The following PXK variants were observed in gnomAD, a reference collection of about 807,000 sequenced individuals.
PXK encodes PX domain-containing protein kinase-like protein.
A neutral mutation model predicts 84.7 loss-of-function variants in PXK; 35 were observed. That is an observed-to-expected ratio of 0.41 (90% CI 0.32 to 0.55). The LOEUF is 0.55. PXK is among the 20% of genes least tolerant of loss of function. PXK has a pLI of 0.21. For synonymous variants in PXK, 253 were observed against 260.8 expected (o/e 0.97, Z 0.29); for missense variants, 634 against 699.7 (o/e 0.91, Z 1.06).
chr3:58,356,951 C>G (rs1274087160), intron 1 of PXK, among the ~76,000 whole-genome samples: 1 of 150,568 alleles, frequency 6.6e-6, no homozygotes, highest in East Asian at 2.0e-4. Flanking sequence ...GAAAACAGTT[C>G]CCTTTTGATT....
intron 1 of PXK, among the ~76,000 whole-genome samples, chr3:58,357,332 A>G (rs2098107694): frequency 2.0e-5 from 3 of 151,892 alleles, no homozygotes; most frequent in Admixed American, 2.0e-4. Flanking sequence ...CTGGGCCTAC[A>G]CAGTATCAAG....
chr3:58,391,522 G>A (rs1362549108), intron 6 of PXK, among the ~76,000 whole-genome samples: 1 of 151,850 alleles, frequency 6.6e-6, no homozygotes, highest in Non-Finnish European at 1.5e-5. Context: ...AAAATACTTG[G>A]GCATTACTTT....
chr3:58,421,327 A>C lies in PXK; in HGVS notation c.1529-3425A>C. On this transcript the variant is annotated intron_variant, in intron 17 of 17. Coordinates refer to ENST00000356151, the MANE Select transcript of PXK (RefSeq NM_017771.5). This position sits in a 1 kb window ranked among gnomAD's most constrained non-coding sequence, Gnocchi z 5.5. ...CCAGGCGCAGTGGCTCACATCTATAATCTCAGCACTTTGGGAGGCTGAGGC... is the reference window on the plus strand; with the variant it reads ...CCAGGCGCAGTGGCTCACATCTATACTCTCAGCACTTTGGGAGGCTGAGGC... 1.0e-6 allele frequency: 1 copy of C among 983,968 alleles called. No individual in the cohort carries two copies. The highest frequency in any genetic ancestry group is 1.2e-6 in the Non-Finnish European group (1 of 828,708). The allele number at this position is 983,968 out of a possible 1,614,324, so 61.0% of individuals were successfully genotyped here.
Position 58,411,923 on chromosome 3 carries a change from A to G in PXK, c.1466-978A>G, listed in dbSNP as rs1441488338. ...AGTAGAAAAGCATTAAACTGGAGGG[A>G]GGTGTGGTTTAATCAGGACATTTCT... On this transcript the variant is annotated intron_variant, in intron 16 of 17. Transcript: ENST00000356151. This position sits in a 1 kb window ranked among gnomAD's most constrained non-coding sequence, Gnocchi z 4.2. Among the ~76,000 whole-genome samples, 2 of 152,168 alleles carry G rather than the reference A, an allele frequency of 1.3e-5. No homozygotes were observed. Among genetic ancestry groups the G allele is most frequent in the Admixed American group, 1.3e-4 (2 of 15,282 alleles).
At chr3:58,389,694 C>T (rs987297152) in intron 4 of PXK, among the ~76,000 whole-genome samples, 20 of 151,052 alleles carry the variant, frequency 1.3e-4, no homozygotes, top group African/African-American at 2.2e-4. Context: ...AAAAACCACA[C>T]GCACCAGAAA....
At chr3:58,334,929 GT>G (rs879733646) in intron 1 of PXK, among the ~76,000 whole-genome samples, 2,592 of 121,096 alleles carry the variant, frequency 0.021, 24 homozygotes, top group African/African-American at 0.025. Context: ...TATTGTAAGG[GT>G]GTGTGTGTGT....
rs902609441 is a variant in PXK, at chr3:58,346,665, C to CT, written c.102+13586dup. Among the ~76,000 whole-genome samples, 847 of 146,238 alleles carry CT rather than the reference C, an allele frequency of 5.8e-3. 8 individuals carry two copies. Among genetic ancestry groups the CT allele is most frequent in the African/African-American group, 0.019 (753 of 40,128 alleles). The stretch of plus-strand genomic sequence containing the variant: ...TATAATTATTTTTCTTTTTTCTTTT[C>CT]TTTTTTTTTTTGAAACAGAGTCTCA... On this transcript the variant is annotated intron_variant, in intron 1 of 17. Transcript: ENST00000356151.
At chr3:58,415,469 T>C (rs2060814595) in intron 17 of PXK, among the ~76,000 whole-genome samples, 1 of 152,158 alleles carries the variant, frequency 6.6e-6, no homozygotes. Context: ...AAAAGATGCA[T>C]AGGGCAAGGT....
At chr3:58,359,160 A>G (rs1018587475) in intron 1 of PXK, among the ~76,000 whole-genome samples, 5 of 152,226 alleles carry the variant, frequency 3.3e-5, no homozygotes, top group African/African-American at 1.2e-4. Flanking sequence ...ATATGTGTTT[A>G]TATAAAGGAG....
intron 3 of PXK, among the ~76,000 whole-genome samples, chr3:58,376,166 G>A (rs2098440325): frequency 6.6e-6 from 1 of 152,042 alleles, no homozygotes; most frequent in Non-Finnish European, 1.5e-5. Context: ...TGTAATTCCA[G>A]CACTTTGGGA....
chr3:58,425,263 G>T lies in PXK; in HGVS notation c.*303G>T. On this transcript the variant is annotated 3_prime_UTR_variant, in exon 18 of 18. Transcript: ENST00000356151. ...ATTGAAATATTTTCACCAACTAAAGGAAATAGACAGAAAAACAATGACAAT... is the reference window on the plus strand; with the variant it reads ...ATTGAAATATTTTCACCAACTAAAGTAAATAGACAGAAAAACAATGACAAT... 3.2e-6 allele frequency: 1 copy of T among 312,666 alleles called. No homozygotes were observed. Among genetic ancestry groups the T allele is most frequent in the Non-Finnish European group, 6.1e-6 (1 of 164,368 alleles). The allele number at this position is 312,666 out of a possible 1,614,324, so 19.4% of individuals were successfully genotyped here.
At chr3:58,422,825 C>T (rs2062125713) in intron 17 of PXK, 1 of 985,304 alleles carries the variant, frequency 1.0e-6, no homozygotes, top group Non-Finnish European at 1.2e-6. Context: ...AGTGCTGAGC[C>T]TTTAGTAGAA....
intron 1 of PXK, among the ~76,000 whole-genome samples, chr3:58,334,343 G>A (rs1442343245): frequency 2.6e-5 from 4 of 152,148 alleles, no homozygotes. Flanking sequence ...CTATTCTGTA[G>A]ACATGTGAGA....
chr3:58,408,724 G>A (rs866736348), intron 13 of PXK, among the ~76,000 whole-genome samples, 200 bp from the exon 14 acceptor site: 7 of 152,048 alleles, frequency 4.6e-5, no homozygotes, highest in Admixed American at 1.3e-4. Flanking sequence ...GGATTTCACC[G>A]TGTTAGCCAG....
At position 58,392,664 on chromosome 3, in the gene PXK, C is replaced by CT. The variant is rs35624263; in HGVS notation, c.615+831dup. On this transcript the variant is annotated intron_variant, in intron 7 of 17. Coordinates refer to ENST00000356151, the MANE Select transcript of PXK (RefSeq NM_017771.5). ...GCTGTCAGGACCTAGTTCTAAATTT[C>CT]TTTTTTTTTTTTTTCAAGGTGGAGT... 4.2e-4 allele frequency among the ~76,000 whole-genome samples: 61 copies of CT among 144,016 alleles called. 1 individual carries two copies. The highest frequency in any genetic ancestry group is 5.6e-4 in the African/African-American group (22 of 39,142). 94.5% of individuals were successfully genotyped at this position (144,016 alleles called of 152,430 possible). A position where few individuals can be genotyped will look rare whatever the true frequency, so the allele number is the denominator to read the frequency against.
At position 58,400,269 on chromosome 3, in the gene PXK, T is replaced by C. The variant is rs2058353625; in HGVS notation, c.1181+892T>C. Among the ~76,000 whole-genome samples the C allele has an allele frequency of 6.6e-6, 1 of 152,226 alleles. No homozygotes were observed. The highest frequency in any genetic ancestry group is 1.5e-5 in the Non-Finnish European group (1 of 68,032). On this transcript the variant is annotated intron_variant, in intron 12 of 17. Transcript: ENST00000356151. This position sits in a 1 kb window ranked among gnomAD's most constrained non-coding sequence, Gnocchi z 4.0. ...CTCATTAAGTGTTAGTTATGCTTAC[T>C]ACTGAATCAGCTGATCTTTTTTGAA...
intron 1 of PXK, among the ~76,000 whole-genome samples, chr3:58,362,993 G>A (rs150199897): frequency 9.9e-5 from 15 of 152,240 alleles, no homozygotes; most frequent in Middle Eastern, 3.4e-3. Flanking sequence ...TCAGATTATA[G>A]TCATGAGCCG....
chr3:58,404,807 A>AT (rs2059146458), intron 13 of PXK, among the ~76,000 whole-genome samples: 1 of 152,244 alleles, frequency 6.6e-6, no homozygotes, highest in Non-Finnish European at 1.5e-5. Context: ...AACAAAAAAA[A>AT]GAAAGAAAAC....
In PXK at chr3:58,391,775, T is replaced by C; in HGVS notation, c.543T>C (p.Ala181=). 6.2e-7 allele frequency: 1 copy of C among 1,613,048 alleles called. No individual in the cohort carries two copies. Among genetic ancestry groups the C allele is most frequent in the South Asian group, 1.1e-5 (1 of 91,046 alleles). The change falls in exon 7 of 18, where the codon GCT becomes GCC. Residue 181 remains alanine, a splice_region_variant and synonymous_variant. Transcript: ENST00000356151. Reference sequence around the variant, plus strand: ...GATATTCCCTTCCATGTTTTCAGGCTGACCTTGGCCCAGACAAGTATTTGT... The same window carrying C: ...GATATTCCCTTCCATGTTTTCAGGCCGACCTTGGCCCAGACAAGTATTTGT... ...QPKERLVLSW[A]DLGPDKYLSD... is the part of the protein sequence containing the mutation.
Sources: gnomAD v4.1 joint callset for allele counts (sites outside exome capture counted in the v4.1 genomes callset) on GRCh38, gnomAD v4.1.1 for gene constraint, Gnocchi (gnomAD v3.1) non-coding constraint, MANE v1.5 for transcripts, NCBI Gene and HGNC (gene_info 2026-07-23, HGNC 2026-07-21) for gene names.